F8: variants seen among roughly 807,000 people sequenced by gnomAD.
F8 encodes antihemophilic factor.
A neutral mutation model predicts 140.6 loss-of-function variants in F8; 12 were observed. The observed-to-expected ratio is 0.09, with a 90% CI of 0.05 to 0.14. The LOEUF is 0.14. Among genes scored for constraint, F8 ranks in the 10% least tolerant of loss-of-function variants. F8 has a pLI of 1.00. For missense variants in F8, 1,354 were observed against 1,720.7 expected (o/e 0.79, Z 3.77); for synonymous variants, 585 against 614.6 (o/e 0.95, Z 0.71).
rs1557278366 is a variant in F8 at position 154,929,074 on chromosome X, G to A, written c.4716C>T (p.Ser1572=). 2 of 1,209,393 alleles carry A rather than the reference G, an allele frequency of 1.7e-6. No homozygotes were observed. The highest frequency in any genetic ancestry group is 4.4e-5 in the Admixed American group (2 of 45,690). The change falls in exon 14 of 26, where the codon AGC becomes AGT. Residue 1572 remains serine (S), a synonymous_variant. Coordinates refer to ENST00000360256, the MANE Select transcript of F8 (RefSeq NM_000132.4). ...KVPFLRVATE[S]SAKTPSKLLD... ...ATAGCTTGGAGGGAGTCTTTGCAGA[G>A]CTTTCTGTTGCTACTCTCAGAAAGG...
At chrX:154,981,788 GA>G (rs782310825) in intron 6 of F8, among the ~76,000 whole-genome samples, 1 of 111,281 alleles carries the variant, frequency 9.0e-6, no homozygotes, top group Non-Finnish European at 1.9e-5. Flanking sequence ...AATATAGTGA[GA>G]TTTTTTTGGA....
At chrX:154,844,802 G>A (rs1264862744) in intron 25 of F8, among the ~76,000 whole-genome samples, 4 of 110,148 alleles carry the variant, frequency 3.6e-5, no homozygotes, top group Non-Finnish European at 7.6e-5. Flanking sequence ...CTGCCTGATT[G>A]CCCTGGCCAG....
chrX:155,021,069 T>G (rs1357995889), intron 1 of F8, among the ~76,000 whole-genome samples: 1 of 112,408 alleles, frequency 8.9e-6, no homozygotes, highest in East Asian at 2.8e-4. Context: ...TAAATTGTGA[T>G]ACAGCCATAC....
intron 14 of F8, among the ~76,000 whole-genome samples, chrX:154,921,639 T>A (rs1442883015): frequency 9.0e-6 from 1 of 111,558 alleles, no homozygotes; most frequent in Non-Finnish European, 1.9e-5. Flanking sequence ...CAAATGTCCA[T>A]CAATGATAGA....
chrX:154,930,357 G>A lies in F8; in HGVS notation c.3433C>T (p.Pro1145Ser). The change falls in exon 14 of 26, where the codon CCA (proline) becomes TCA (serine). Residue 1145 changes from proline to serine, a missense_variant. By Grantham distance (74) the Pro-to-Ser change is moderately conservative. Around this residue, in one of 4 missense-constraint regions of F8, gnomAD observed 658 missense variants for 666.5 expected, o/e 0.99. Transcript: ENST00000360256. ...NSLNSGQGPS[P>S]KQLVSLGPEK... The stretch of plus-strand genomic sequence containing the variant: ...GGTCCTAAGGATACTAATTGCTTTG[G>A]ACTGGGGCCTTGCCCAGAGTTCAGA... 8.3e-7 allele frequency: 1 copy of A among 1,210,079 alleles called. No homozygotes were observed. Among genetic ancestry groups the A allele is most frequent in the Non-Finnish European group, 1.1e-6 (1 of 894,371 alleles).
intron 13 of F8, among the ~76,000 whole-genome samples, chrX:154,939,349 C>T (rs1055312878): frequency 4.1e-4 from 46 of 112,601 alleles, no homozygotes; most frequent in Admixed American, 2.1e-3. Context: ...GCTTAACAAA[C>T]GGCACACCAG....
At position 154,961,119 on chromosome X, in the gene F8, C is replaced by G. The variant is rs782545490; in HGVS notation, c.1493G>C (p.Gly498Ala). 2 of 1,204,801 alleles carry G rather than the reference C, an allele frequency of 1.7e-6. No homozygotes were observed. The highest frequency in any genetic ancestry group is 3.5e-5 in the South Asian group (2 of 56,780). Residue 498 changes from glycine to alanine, a missense_variant, in exon 10 of 26, where the codon GGA becomes GCA. Physicochemically the swap from Gly to Ala is moderately conservative, Grantham distance 60. Coordinates refer to ENST00000360256, the MANE Select transcript of F8 (RefSeq NM_000132.4). ...ATACAAAGGACGGACATCAGTGATT[C>G]CGTGAGGGTAGATGTTATATGGTCT... ...ASRPYNIYPHGITDVRPLYSR... is the reference protein window; with the variant it reads ...ASRPYNIYPHAITDVRPLYSR...
At position 154,928,848 on chromosome X, in the gene F8, G is replaced by T; in HGVS notation, c.4942C>A (p.Gln1648Lys). The change falls in exon 14 of 26, where the codon CAA (glutamine) becomes AAA (lysine). Residue 1648 changes from glutamine to lysine, a missense_variant. Physicochemically the swap from Gln to Lys is moderately conservative, Grantham distance 53. Transcript: ENST00000360256. ...KPEIEVTWAK[Q>K]GRTERLCSQN... ...GAGCACAGCCTTTCAGTCCTACCTT[G>T]CTTTGCCCAGGTGACTTCTATTTCG... 2 of 1,211,820 alleles carry T rather than the reference G, an allele frequency of 1.7e-6. No individual in the cohort carries two copies. The highest frequency in any genetic ancestry group is 2.2e-6 in the Non-Finnish European group (2 of 895,508).
At chrX:154,941,764 A>T (rs1335920546) in intron 13 of F8, among the ~76,000 whole-genome samples, 1 of 109,939 alleles carries the variant, frequency 9.1e-6, no homozygotes, top group Admixed American at 9.7e-5. Flanking sequence ...ACATAGTTGG[A>T]AGTAAAGCTC....
chrX:154,971,096 T>C (rs1229514247), intron 6 of F8, among the ~76,000 whole-genome samples: 1 of 111,741 alleles, frequency 8.9e-6, no homozygotes, highest in African/African-American at 3.2e-5. Flanking sequence ...TTTCTGGTTT[T>C]ACTATAGTAC....
intron 14 of F8, chrX:154,909,183 G>GC: frequency 5.0e-6 from 1 of 201,079 alleles, no homozygotes; most frequent in Middle Eastern, 2.2e-3. Context: ...CAGTTGTAAT[G>GC]TTAACTGGAG....
rs1557278709 is a variant in F8, at chrX:154,930,825, C to T, written c.2965G>A (p.Gly989Ser). Reference protein sequence around the residue: ...WGKNVSSTESGRLFKGKRAHG... With the variant: ...WGKNVSSTESSRLFKGKRAHG... ...GCTCTTTTCCCTTTAAATAACCTAC[C>T]ACTCTCTGTTGACGATACATTTTTT... Residue 989 changes from glycine (G) to serine (S), a missense_variant, in exon 14 of 26, where the codon GGT becomes AGT. Physicochemically the swap from Gly to Ser is moderately conservative, Grantham distance 56. Coordinates refer to ENST00000360256, the MANE Select transcript of F8 (RefSeq NM_000132.4). The T allele has an allele frequency of 1.7e-6, 2 of 1,209,744 alleles. No homozygotes were observed. The highest frequency in any genetic ancestry group is 3.5e-5 in the South Asian group (2 of 56,803).
At chrX:154,983,573 G>A (rs782704098) in intron 6 of F8, among the ~76,000 whole-genome samples, 3 of 111,587 alleles carry the variant, frequency 2.7e-5, no homozygotes, top group Non-Finnish European at 5.6e-5. Flanking sequence ...TAAAATTAAC[G>A]GTAGTAGCCA....
chrX:154,873,413 A>G (rs1265538381), intron 22 of F8, among the ~76,000 whole-genome samples: 1 of 110,550 alleles, frequency 9.0e-6, no homozygotes, highest in African/African-American at 3.3e-5. Context: ...TTTTCAGTAG[A>G]GACGGGGTTT....
chrX:155,012,590 G>A (rs1467422358), intron 1 of F8, among the ~76,000 whole-genome samples: 1 of 111,017 alleles, frequency 9.0e-6, no homozygotes, highest in African/African-American at 3.3e-5. Flanking sequence ...TTACAGGTGT[G>A]AGCCACCATG....
chrX:154,849,995 C>A (rs782438582), intron 25 of F8, among the ~76,000 whole-genome samples: 19 of 111,018 alleles, frequency 1.7e-4, no homozygotes, highest in African/African-American at 5.2e-4. Flanking sequence ...TAAATTTTCA[C>A]ACGCACACCT....
rs1557281304 is a variant in F8, at chrX:154,957,435, T to C, written c.1538-264A>G. Among the ~76,000 whole-genome samples the C allele has an allele frequency of 3.6e-5, 4 of 111,656 alleles. No individual in the cohort carries two copies. In the Admixed American group the frequency reaches 3.8e-4, roughly 11 times the overall value. On this transcript the variant is annotated intron_variant, in intron 10 of 25. Transcript: ENST00000360256. The stretch of plus-strand genomic sequence containing the variant: ...AGAGCTTGGCATTGGAGTTTTAAGG[T>C]GTAGTCTCTGACTTCTGTGAGGAAA...
intron 6 of F8, among the ~76,000 whole-genome samples, chrX:154,970,495 C>T (rs1701470519): frequency 1.8e-5 from 2 of 111,540 alleles, no homozygotes; most frequent in African/African-American, 6.5e-5. Context: ...TTACAGGTCT[C>T]CCTACAGTTG....
chrX:154,979,708 T>G (rs1557283348), intron 6 of F8, among the ~76,000 whole-genome samples: 4 of 111,691 alleles, frequency 3.6e-5, no homozygotes, highest in African/African-American at 1.3e-4. Context: ...GCATGGGCAC[T>G]CCTCTGCTGG....
Sources: gnomAD v4.1 joint callset for allele counts (sites outside exome capture counted in the v4.1 genomes callset) on GRCh38, gnomAD v4.1.1 for gene constraint, gnomAD v4.1.1 regional missense constraint, MANE v1.5 for transcripts, NCBI Gene and HGNC (gene_info 2026-07-23, HGNC 2026-07-21) for gene names.